Variants in CYP3A43 observed in about 807,000 individuals in gnomAD.
CYP3A43 encodes cytochrome P450 3A43.
In CYP3A43, 45 loss-of-function variants were observed where a neutral mutation model predicts 58.0. The ratio of observed to expected loss-of-function variants is 0.78; its 90% CI spans 0.61 to 0.99. The LOEUF (loss-of-function observed/expected upper bound fraction) is 0.99, where lower values mean the gene tolerates loss of function less well. Ranked by LOEUF, CYP3A43 falls within the 50% of genes least tolerant of loss-of-function variation. The pLI is 0.00. For missense variants in CYP3A43, 593 were observed against 591.9 expected (o/e 1.00, Z -0.02); for synonymous variants, 191 against 201.4 (o/e 0.95, Z 0.44).
chr7:99,847,525 G>C lies in CYP3A43; in HGVS notation c.356G>C (p.Ser119Thr). The C allele has an allele frequency of 6.2e-7, 1 of 1,613,908 alleles. No homozygotes were observed. The highest frequency in any genetic ancestry group is 8.5e-7 in the Non-Finnish European group (1 of 1,179,956). ...GPMGFLKSAL[S>T]FAEDEEWKRI... Reference sequence around the variant, plus strand: ...ATGGGATTTCTGAAAAGTGCCTTAAGTTTTGCTGAAGATGAAGAATGGAAG... The same window carrying C: ...ATGGGATTTCTGAAAAGTGCCTTAACTTTTGCTGAAGATGAAGAATGGAAG... The change falls in exon 5 of 13, where the codon AGT (serine) becomes ACT (threonine). Residue 119 changes from serine (S) to threonine (T), a missense_variant. Ser to Thr is a moderately conservative substitution (Grantham distance 58, BLOSUM62 1). Coordinates refer to ENST00000354829, the MANE Select transcript of CYP3A43 (RefSeq NM_057095.3).
intron 4 of CYP3A43, among the ~76,000 whole-genome samples, chr7:99,846,880 G>C (rs756779891): frequency 7.2e-5 from 11 of 152,162 alleles, no homozygotes. Context: ...TAGGCCTGTC[G>C]CAAGTTGGGA....
At position 99,865,996 on chromosome 7, in the gene CYP3A43, C is replaced by A; in HGVS notation, c.1507C>A (p.Pro503Thr). 1 of 1,587,650 alleles carries A rather than the reference C, an allele frequency of 6.3e-7. No homozygotes were observed. Among genetic ancestry groups the A allele is most frequent in the South Asian group, 1.2e-5 (1 of 86,382 alleles). ...VHLRDGITSG[P>T] Reference sequence around the variant, plus strand: ...CTTAAGAGATGGGATTACAAGTGGACCCTGACTTTCCCTAAGGACTTCCAC... The same window carrying A: ...CTTAAGAGATGGGATTACAAGTGGAACCTGACTTTCCCTAAGGACTTCCAC... The change falls in exon 13 of 13, where the codon CCC becomes ACC. Residue 503 changes from proline (P) to threonine (T), a missense_variant. Coordinates refer to ENST00000354829, the MANE Select transcript of CYP3A43 (RefSeq NM_057095.3).
At chr7:99,856,999 C>T (rs1361325458) in intron 9 of CYP3A43, 100 bp downstream of exon 9, 4 of 1,372,546 alleles carry the variant, frequency 2.9e-6, no homozygotes, top group East Asian at 2.3e-5. Flanking sequence ...ATGAGAATTT[C>T]TTCCACATTG....
chr7:99,863,742 TA>T, intron 12 of CYP3A43, 43 bp downstream of exon 12: 1 of 1,433,154 alleles, frequency 7.0e-7, no homozygotes, highest in Non-Finnish European at 9.3e-7. Context: ...GGGAGTTTTT[TA>T]AACTGAGAAG....
At chr7:99,832,783 A>G (rs1173829143) in intron 1 of CYP3A43, among the ~76,000 whole-genome samples, 6 of 151,926 alleles carry the variant, frequency 3.9e-5, no homozygotes, top group African/African-American at 1.5e-4. Context: ...TCCTGCCTCC[A>G]TGTAATACAT....
Position 99,847,584 on chromosome 7 carries a change from A to G in CYP3A43, c.415A>G (p.Ser139Gly), listed in dbSNP as rs149853346. Residue 139 changes from serine to glycine, a missense_variant, in exon 5 of 13, where the codon AGT (serine) becomes GGT (glycine). Transcript: ENST00000354829. Reference sequence around the variant, plus strand: ...AACATTGCTATCTCCAGCTTTCACCAGTGTAAAATTCAAGGAAGTAAGAAA... The same window carrying G: ...AACATTGCTATCTCCAGCTTTCACCGGTGTAAAATTCAAGGAAGTAAGAAA... The part of the protein sequence containing the change: ...IRTLLSPAFT[S>G]VKFKEMVPII... The G allele has an allele frequency of 9.3e-6, 15 of 1,613,808 alleles. No homozygotes were observed. In the African/African-American group the frequency reaches 1.7e-4, roughly 19 times the overall value.
chr7:99,847,510 T>C lies in CYP3A43; in HGVS notation c.341T>C (p.Leu114Pro), dbSNP rs747244688. Residue 114 changes from leucine (L) to proline (P), a missense_variant, in exon 5 of 13, where the codon CTG becomes CCG. Transcript: ENST00000354829. ...AAGCCTTTAGGTCCAATGGGATTTC[T>C]GAAAAGTGCCTTAAGTTTTGCTGAA... ...NQMPLGPMGF[L>P]KSALSFAEDE... The C allele has an allele frequency of 6.2e-7, 1 of 1,613,996 alleles. No individual in the cohort carries two copies. Among genetic ancestry groups the C allele is most frequent in the Non-Finnish European group, 8.5e-7 (1 of 1,179,956 alleles).
intron 8 of CYP3A43, among the ~76,000 whole-genome samples, chr7:99,856,178 G>A (rs1310694787): frequency 6.6e-6 from 1 of 152,194 alleles, no homozygotes; most frequent in East Asian, 1.9e-4. Context: ...CAGGCTACCT[G>A]CAGAAGTAAG....
intron 3 of CYP3A43, among the ~76,000 whole-genome samples, chr7:99,840,289 A>G (rs563401152): frequency 1.3e-5 from 2 of 152,174 alleles, no homozygotes. Context: ...CAAGTTGCTC[A>G]CATGGAATTC....
At chr7:99,843,227 C>T (rs1817410953) in intron 3 of CYP3A43, among the ~76,000 whole-genome samples, 1 of 152,164 alleles carries the variant, frequency 6.6e-6, no homozygotes, top group African/African-American at 2.4e-5. Context: ...CACTCTCCTT[C>T]TTCTCTCTCC....
chr7:99,849,818 GT>G, intron 7 of CYP3A43, 124 bp downstream of exon 7: 3 of 1,042,992 alleles, frequency 2.9e-6, no homozygotes, highest in Non-Finnish European at 2.7e-6. Flanking sequence ...TAATTCAATG[GT>G]TTTTGGTACA....
chr7:99,828,083 C>T lies in CYP3A43; in HGVS notation c.-33C>T. The T allele has an allele frequency of 6.2e-7, 1 of 1,601,866 alleles. No individual in the cohort carries two copies. Among genetic ancestry groups the T allele is most frequent in the Non-Finnish European group, 8.5e-7 (1 of 1,170,240 alleles). On this transcript the variant is annotated 5_prime_UTR_variant, in exon 1 of 13. Transcript: ENST00000354829. Reference sequence around the variant, plus strand: ...GAGCAGCACACAGCTGAAAGAAAAACTCAGAAGACAGAGCTGAAAAAGAAA... The same window carrying T: ...GAGCAGCACACAGCTGAAAGAAAAATTCAGAAGACAGAGCTGAAAAAGAAA...
intron 2 of CYP3A43, among the ~76,000 whole-genome samples, chr7:99,838,117 G>C (rs1295175036): frequency 6.6e-6 from 1 of 152,218 alleles, no homozygotes; most frequent in Admixed American, 6.5e-5. Context: ...AAGCAGGAAA[G>C]TTTGTTTTTA....
intron 1 of CYP3A43, among the ~76,000 whole-genome samples, chr7:99,832,843 T>G (rs935359257): frequency 1.3e-5 from 2 of 152,180 alleles, no homozygotes; most frequent in African/African-American, 4.8e-5. Flanking sequence ...TCCTGAGGCC[T>G]CCCCAGCCAT....
chr7:99,831,460 A>G (rs1481452252), intron 1 of CYP3A43, among the ~76,000 whole-genome samples: 1 of 152,240 alleles, frequency 6.6e-6, no homozygotes, highest in African/African-American at 2.4e-5. Context: ...TATGCATACC[A>G]TAATTTTCAG....
At position 99,836,449 on chromosome 7, in the gene CYP3A43, A is replaced by G. The variant is rs764715007; in HGVS notation, c.72-4A>G. On this transcript the variant is annotated splice_region_variant and splice_polypyrimidine_tract_variant and intron_variant, in intron 1 of 12. Transcript: ENST00000354829. Reference sequence around the variant, plus strand: ...GTAACCTGGCTTTCTCTTTTATTTTATAGTTATGGGACCCATTCACATAAA... The same window carrying G: ...GTAACCTGGCTTTCTCTTTTATTTTGTAGTTATGGGACCCATTCACATAAA... The G allele has an allele frequency of 6.2e-7, 1 of 1,608,058 alleles. No individual in the cohort carries two copies. Among genetic ancestry groups the G allele is most frequent in the Admixed American group, 1.7e-5 (1 of 59,790 alleles).
At chr7:99,860,020 G>C in intron 10 of CYP3A43, 30 bp downstream of exon 10, 1 of 1,547,052 alleles carries the variant, frequency 6.5e-7, no homozygotes, top group Non-Finnish European at 8.7e-7. Flanking sequence ...GAGAAGGAGG[G>C]AGAAGGTGAA....
chr7:99,843,497 G>T (rs549275845), intron 3 of CYP3A43, among the ~76,000 whole-genome samples: 1 of 151,796 alleles, frequency 6.6e-6, no homozygotes, highest in Non-Finnish European at 1.5e-5. Flanking sequence ...ATGGAGTGTC[G>T]CTGTATTGCC....
intron 2 of CYP3A43, among the ~76,000 whole-genome samples, chr7:99,837,331 A>AAAAAG (rs1584202680): frequency 1.3e-5 from 2 of 151,342 alleles, no homozygotes; most frequent in Admixed American, 6.6e-5. Context: ...AAAAAAAAAA[A>AAAAAG]AAAAGAAAAG....
Sources: allele counts gnomAD v4.1 joint callset (sites outside exome capture counted in the v4.1 genomes callset), GRCh38; gene constraint gnomAD v4.1.1; transcripts MANE v1.5; gene names NCBI Gene and HGNC (gene_info 2026-07-23, HGNC 2026-07-21).